HCRTR2: variants seen among roughly 807,000 people sequenced by gnomAD.
The protein encoded by HCRTR2 is orexin receptor type 2.
HCRTR2 carries 22 observed loss-of-function variants against 49.0 expected under a neutral mutation model. The observed-to-expected ratio is 0.45, with a 90% CI of 0.32 to 0.64. The LOEUF (loss-of-function observed/expected upper bound fraction) is 0.64, where lower values mean the gene tolerates loss of function less well. HCRTR2 is among the 30% of genes least tolerant of loss of function. The pLI is 0.04. For missense variants in HCRTR2, 491 were observed against 559.4 expected, an observed-to-expected ratio of 0.88 and a Z score of 1.23; for synonymous variants, 236 against 205.3, an observed-to-expected ratio of 1.15 and a Z score of -1.28.
intron 1 of HCRTR2, among the ~76,000 whole-genome samples, chr6:55,241,354 T>C (rs1374443186): frequency 6.6e-6 from 1 of 152,148 alleles, no homozygotes; most frequent in Non-Finnish European, 1.5e-5. Context: ...ATGAATTTAA[T>C]GCTTAAAACT....
At chr6:55,174,346 C>T, upstream of HCRTR2, 1 of 551,852 alleles carries the variant, frequency 1.8e-6, no homozygotes, top group East Asian at 3.3e-5. Flanking sequence ...AGTGCCGGGT[C>T]CCTAGTTCCT....
intron 1 of HCRTR2, among the ~76,000 whole-genome samples, chr6:55,218,422 T>C (rs2127294734): frequency 6.6e-6 from 1 of 152,342 alleles, no homozygotes; most frequent in East Asian, 1.9e-4. Flanking sequence ...CAGTAGTTAC[T>C]TTAGCCATAA....
At position 55,275,679 on chromosome 6, in the gene HCRTR2, C is replaced by T. The variant is rs183797831; in HGVS notation, c.763-1701C>T. Among the ~76,000 whole-genome samples the T allele has an allele frequency of 1.8e-3, 267 of 146,408 alleles. 1 individual carries two copies. The highest frequency in any genetic ancestry group is 6.4e-3 in the African/African-American group (250 of 39,344). The stretch of plus-strand genomic sequence containing the variant: ...CTGGAGTGTAATTGTGTGATCTCAT[C>T]GGCTCATTGCAACATCCACCTCCTG... On this transcript the variant is annotated intron_variant, in intron 4 of 6. Coordinates refer to ENST00000370862, the MANE Select transcript of HCRTR2 (RefSeq NM_001384272.1).
At chr6:55,135,293 G>A (rs1561982830) in intron 1 of HCRTR2, among the ~76,000 whole-genome samples, 2 of 152,056 alleles carry the variant, frequency 1.3e-5, no homozygotes, top group Admixed American at 1.3e-4. Context: ...AGATAATTTT[G>A]TAGAGAGATT....
chr6:55,202,336 C>G (rs772386197), intron 1 of HCRTR2, among the ~76,000 whole-genome samples: 287 of 152,288 alleles, frequency 1.9e-3, no homozygotes, highest in Middle Eastern at 3.4e-3. Context: ...AAACATTTAT[C>G]AACTACCTGT....
intron 1 of HCRTR2, among the ~76,000 whole-genome samples, chr6:55,231,478 T>C (rs1766113440): frequency 1.3e-5 from 2 of 152,118 alleles, no homozygotes; most frequent in East Asian, 1.9e-4. Context: ...GTTCCACTTA[T>C]TTATTTCTAA....
chr6:55,160,808 A>G (rs1764794811), intron 1 of HCRTR2, among the ~76,000 whole-genome samples: 1 of 152,196 alleles, frequency 6.6e-6, no homozygotes, highest in Non-Finnish European at 1.5e-5. Flanking sequence ...ATATGCACCC[A>G]ATTCAGGAGC....
At chr6:55,241,797 A>C (rs970644236) in intron 1 of HCRTR2, among the ~76,000 whole-genome samples, 17 of 149,278 alleles carry the variant, frequency 1.1e-4, no homozygotes, top group African/African-American at 4.2e-4. Context: ...AAGGTTTTTG[A>C]GGGACATCAT....
chr6:55,192,842 T>G (rs1765343819), intron 1 of HCRTR2, among the ~76,000 whole-genome samples: 1 of 152,218 alleles, frequency 6.6e-6, no homozygotes, highest in African/African-American at 2.4e-5. Context: ...TCTTTAGCAC[T>G]AAGCATGAGT....
Position 55,160,806 on chromosome 6 carries a change from C to T in HCRTR2, c.-377-13405C>T, listed in dbSNP as rs563626788. Among the ~76,000 whole-genome samples the T allele has an allele frequency of 2.0e-5, 3 of 152,096 alleles. No individual in the cohort carries two copies. In the East Asian group the frequency reaches 5.8e-4, roughly 29 times the overall value. ...CTAGCTATCCTAAATATATATGCAC[C>T]CAATTCAGGAGCACACAAATTCATC... On this transcript the variant is annotated intron_variant, in intron 1 of 7. Transcript: ENST00000615358.
At chr6:55,122,679 G>T (rs1336221317) in intron 1 of HCRTR2, among the ~76,000 whole-genome samples, 1 of 151,902 alleles carries the variant, frequency 6.6e-6, no homozygotes, top group African/African-American at 2.4e-5. Flanking sequence ...TATGTTTATT[G>T]TGGCACTATT....
In HCRTR2 at chr6:55,255,238, G is replaced by A. The variant is rs1562023677; in HGVS notation, c.505G>A (p.Ala169Thr). The A allele has an allele frequency of 6.2e-7, 1 of 1,613,970 alleles. No homozygotes were observed. Among genetic ancestry groups the A allele is most frequent in the Admixed American group, 1.7e-5 (1 of 59,992 alleles). ...GATGTTTAAGAGCACAGCAAAGCGG[G>A]CCCGTAACAGCATTGTCATCATCTG... Reference protein sequence around the residue: ...PLMFKSTAKRARNSIVIIWIV... With the variant: ...PLMFKSTAKRTRNSIVIIWIV... The change falls in exon 3 of 7, where the codon GCC (alanine) becomes ACC (threonine). Residue 169 changes from alanine (A) to threonine (T), a missense_variant. Coordinates refer to ENST00000370862, the MANE Select transcript of HCRTR2 (RefSeq NM_001384272.1).
At chr6:55,254,140 G>A (rs942853770) in intron 2 of HCRTR2, among the ~76,000 whole-genome samples, 13 of 152,020 alleles carry the variant, frequency 8.6e-5, no homozygotes, top group African/African-American at 2.9e-4. Context: ...CTACCACAGA[G>A]CTTTGTTCCA....
intron 1 of HCRTR2, among the ~76,000 whole-genome samples, chr6:55,129,751 CT>C (rs2127245156): frequency 6.6e-6 from 1 of 152,094 alleles, no homozygotes; most frequent in Non-Finnish European, 1.5e-5. Flanking sequence ...CCTCTAGGCT[CT>C]TTTTACTTTG....
At chr6:55,139,877 C>T (rs1764483289) in intron 1 of HCRTR2, among the ~76,000 whole-genome samples, 1 of 152,098 alleles carries the variant, frequency 6.6e-6, no homozygotes, top group African/African-American at 2.4e-5. Context: ...AGATTTTTTT[C>T]TAGAAAGTGA....
rs201276202 is a variant in HCRTR2 at position 55,174,572 on chromosome 6, C to T, written c.-16C>T. On this transcript the variant is annotated 5_prime_UTR_variant, in exon 1 of 7. Coordinates refer to ENST00000370862, the MANE Select transcript of HCRTR2 (RefSeq NM_001384272.1). Reference sequence around the variant, plus strand: ...AGGAGCTTGCAGCATTGAGCGGAACCGGACTTGAGCCCGTGATGTCCGGCA... The same window carrying T: ...AGGAGCTTGCAGCATTGAGCGGAACTGGACTTGAGCCCGTGATGTCCGGCA... 1 of 1,606,920 alleles carries T rather than the reference C, an allele frequency of 6.2e-7. No individual in the cohort carries two copies. Among genetic ancestry groups the T allele is most frequent in the Admixed American group, 1.7e-5 (1 of 59,988 alleles).
At chr6:55,275,014 CT>C (rs531667327) in intron 4 of HCRTR2, among the ~76,000 whole-genome samples, 348 of 152,206 alleles carry the variant, frequency 2.3e-3, no homozygotes, top group African/African-American at 8.0e-3. Flanking sequence ...TTTTGGTCAT[CT>C]TTGTCTTTCA....
chr6:55,210,700 T>A (rs779482392), intron 1 of HCRTR2, among the ~76,000 whole-genome samples: 1 of 152,310 alleles, frequency 6.6e-6, no homozygotes, highest in Admixed American at 6.5e-5. Flanking sequence ...GATAAGGAAC[T>A]GTCTCTAGGC....
chr6:55,109,668 C>G (rs1213662355), intron 1 of HCRTR2, among the ~76,000 whole-genome samples: 1 of 123,172 alleles, frequency 8.1e-6, no homozygotes, highest in Non-Finnish European at 1.8e-5. Context: ...CTGATAAAGA[C>G]AAAGAAAAAA....
Sources: allele counts gnomAD v4.1 joint callset (sites outside exome capture counted in the v4.1 genomes callset), GRCh38; gene constraint gnomAD v4.1.1; transcripts MANE v1.5; gene names NCBI Gene and HGNC (gene_info 2026-07-23, HGNC 2026-07-21).